CDC25C: variants seen among roughly 807,000 people sequenced by gnomAD.
CDC25C encodes cell division cycle 25C.
A neutral mutation model predicts 52.5 loss-of-function variants in CDC25C; 48 were observed. The observed-to-expected ratio is 0.91, with a 90% CI of 0.72 to 1.16. CDC25C has a LOEUF of 1.16. Ranked by LOEUF, CDC25C falls within the 50% of genes most tolerant of loss-of-function variation. The pLI, the probability that CDC25C is intolerant of heterozygous loss-of-function variation, is 0.00. For synonymous variants in CDC25C, 187 were observed against 206.5 expected, an observed-to-expected ratio of 0.91 and a Z score of 0.81; for missense variants, 510 against 566.1, an observed-to-expected ratio of 0.90 and a Z score of 1.01.
At chr5:138,291,357 C>A (rs1216206350) in intron 8 of CDC25C, among the ~76,000 whole-genome samples, 2 of 151,884 alleles carry the variant, frequency 1.3e-5, no homozygotes, top group East Asian at 3.9e-4. Flanking sequence ...ACCAAAGTTC[C>A]CTTGTATTCT....
chr5:138,329,427 C>A, intron 3 of CDC25C, 126 bp downstream of exon 3: 2 of 636,718 alleles, frequency 3.1e-6, no homozygotes, highest in East Asian at 5.5e-5. Flanking sequence ...TAGTTACCCA[C>A]AAAATTCCAT....
At chr5:138,321,744 CT>C (rs1470836596) in intron 6 of CDC25C, among the ~76,000 whole-genome samples, 1 of 80,648 alleles carries the variant, frequency 1.2e-5, no homozygotes, top group African/African-American at 5.1e-5. Flanking sequence ...GAGCAAGACT[CT>C]GTCTCAAAAA....
At chr5:138,287,967 A>T (rs1475351373) in intron 10 of CDC25C, among the ~76,000 whole-genome samples, 1 of 152,242 alleles carries the variant, frequency 6.6e-6, no homozygotes, top group Non-Finnish European at 1.5e-5. Context: ...AGTAGAATAG[A>T]GCGGCATTAT....
chr5:138,303,419 A>G (rs1723551661), intron 7 of CDC25C, among the ~76,000 whole-genome samples: 1 of 151,156 alleles, frequency 6.6e-6, no homozygotes, highest in Admixed American at 6.6e-5. Context: ...AATGCCTACA[A>G]GGCCCTACAC....
At chr5:138,288,269 T>C (rs1756422514) in intron 10 of CDC25C, among the ~76,000 whole-genome samples, 1 of 152,038 alleles carries the variant, frequency 6.6e-6, no homozygotes, top group Non-Finnish European at 1.5e-5. Flanking sequence ...GAGACGGGGT[T>C]TCTCCATGTT....
At chr5:138,299,946 A>G (rs1757511557) in intron 7 of CDC25C, among the ~76,000 whole-genome samples, 1 of 152,220 alleles carries the variant, frequency 6.6e-6, no homozygotes, top group Non-Finnish European at 1.5e-5. Flanking sequence ...AACCTTACAG[A>G]AATAAAAAGG....
intron 7 of CDC25C, among the ~76,000 whole-genome samples, chr5:138,298,749 A>AAAAAT (rs1757402532): frequency 6.6e-6 from 1 of 151,678 alleles, no homozygotes; most frequent in Middle Eastern, 3.2e-3. Context: ...ACTCCATCTC[A>AAAAAT]AAAATAAAAT....
chr5:138,328,155 C>T (rs1442704679), intron 4 of CDC25C, among the ~76,000 whole-genome samples: 1 of 152,216 alleles, frequency 6.6e-6, no homozygotes, highest in Non-Finnish European at 1.5e-5. Context: ...ATGTAAGCCA[C>T]CGTGTCCGGC....
chr5:138,302,590 T>G (rs1357917302), intron 7 of CDC25C, among the ~76,000 whole-genome samples: 1 of 151,696 alleles, frequency 6.6e-6, no homozygotes, highest in African/African-American at 2.4e-5. Context: ...TCCCAGCTAC[T>G]CGGGAGGCTG....
chr5:138,317,701 A>AAC (rs1554118640), intron 7 of CDC25C, among the ~76,000 whole-genome samples: 33 of 149,630 alleles, frequency 2.2e-4, no homozygotes, highest in Non-Finnish European at 3.9e-4. Context: ...AAAAAAAAAA[A>AAC]AAAAAACCAA....
At position 138,319,371 on chromosome 5, in the gene CDC25C, T is replaced by C. The variant is rs1445219036; in HGVS notation, c.463A>G (p.Asn155Asp). 2 of 1,610,704 alleles carry C rather than the reference T, an allele frequency of 1.2e-6. No homozygotes were observed. Among genetic ancestry groups the C allele is most frequent in the Non-Finnish European group, 1.7e-6 (2 of 1,178,330 alleles). Residue 155 changes from asparagine to aspartate, a missense_variant, in exon 7 of 14, where the codon AAT becomes GAT. Transcript: ENST00000323760. ...ATTTCACTGTCCACCAAGTTTCCATTGTCCTGTCAAGTATATTGACAACAT... is the reference window on the plus strand; with the variant it reads ...ATTTCACTGTCCACCAAGTTTCCATCGTCCTGTCAAGTATATTGACAACAT... ...CSSSANKENDNGNLVDSEMKY... is the reference protein window; with the variant it reads ...CSSSANKENDDGNLVDSEMKY...
chr5:138,298,704 C>G (rs906195248), intron 7 of CDC25C, among the ~76,000 whole-genome samples: 24 of 151,190 alleles, frequency 1.6e-4, no homozygotes, highest in Non-Finnish European at 1.5e-5. Context: ...GAGCTTAGGT[C>G]GTGCCACTGC....
chr5:138,303,834 A>G (rs142915494), intron 7 of CDC25C, among the ~76,000 whole-genome samples: 128 of 152,294 alleles, frequency 8.4e-4, no homozygotes, highest in Middle Eastern at 3.4e-3. Flanking sequence ...GTAAGCTCAG[A>G]TACTACTGTA....
chr5:138,323,400 C>T (rs1028665477), intron 6 of CDC25C, among the ~76,000 whole-genome samples: 3 of 152,084 alleles, frequency 2.0e-5, no homozygotes, highest in Non-Finnish European at 2.9e-5. Context: ...TGGGCCGAGG[C>T]GATCCTCTTG....
rs541246748 is a variant in CDC25C, at chr5:138,311,772, C to T, written c.615+7447G>A. ...ATCAACATAGTGAATAGGCAACCAA[C>T]GGAATAGGAAAAAAGATTTGCAAAT... On this transcript the variant is annotated intron_variant, in intron 7 of 13. Transcript: ENST00000323760. 5.9e-5 allele frequency among the ~76,000 whole-genome samples: 9 copies of T among 151,980 alleles called. No individual in the cohort carries two copies. In the East Asian group the frequency reaches 1.2e-3, roughly 20 times the overall value.
intron 7 of CDC25C, among the ~76,000 whole-genome samples, chr5:138,297,914 G>T (rs1257074025): frequency 6.6e-6 from 1 of 152,088 alleles, no homozygotes; most frequent in African/African-American, 2.4e-5. Context: ...GGGGAAGAAA[G>T]TTCTAGGATG....
At chr5:138,323,482 G>C (rs548654276) in intron 6 of CDC25C, among the ~76,000 whole-genome samples, 56 of 151,716 alleles carry the variant, frequency 3.7e-4, no homozygotes, top group Admixed American at 7.2e-4. Flanking sequence ...TTTTTGGTTG[G>C]GGGGTGGGGT....
chr5:138,329,362 T>C (rs556651182), intron 3 of CDC25C, among the ~76,000 whole-genome samples, 191 bp downstream of exon 3: 1 of 152,342 alleles, frequency 6.6e-6, no homozygotes, highest in African/African-American at 2.4e-5. Context: ...AAGTAGCTCC[T>C]ATTAGTGTTA....
chr5:138,299,857 C>T (rs143869007), intron 7 of CDC25C, among the ~76,000 whole-genome samples: 24 of 151,800 alleles, frequency 1.6e-4, no homozygotes, highest in Admixed American at 1.4e-3. Context: ...CAGCAAAAAT[C>T]GACAAACTTT....
Sources: gnomAD v4.1 joint callset for allele counts (sites outside exome capture counted in the v4.1 genomes callset) on GRCh38, gnomAD v4.1.1 for gene constraint, MANE v1.5 for transcripts, NCBI Gene and HGNC (gene_info 2026-07-23, HGNC 2026-07-21) for gene names.